The following RNF217 variants were observed in gnomAD, a reference collection of about 807,000 sequenced individuals.
The protein encoded by RNF217 is E3 ubiquitin-protein ligase RNF217.
A neutral mutation model predicts 57.8 loss-of-function variants in RNF217; 31 were observed. The observed-to-expected ratio is 0.54, with a 90% CI of 0.40 to 0.72. The LOEUF (loss-of-function observed/expected upper bound fraction) is 0.72, where lower values mean the gene tolerates loss of function less well. RNF217 is among the 30% of genes least tolerant of loss of function. The probability of loss-of-function intolerance (pLI) is 0.00; values close to 1 mark genes in which losing one functional copy is unlikely to be tolerated. For missense variants in RNF217, 696 were observed against 708.3 expected, an observed-to-expected ratio of 0.98 and a Z score of 0.20; for synonymous variants, 313 against 294.0, an observed-to-expected ratio of 1.06 and a Z score of -0.66.
chr6:125,022,790 CCT>C (rs1785894758), intron 1 of RNF217, among the ~76,000 whole-genome samples: 1 of 152,130 alleles, frequency 6.6e-6, no homozygotes, highest in African/African-American at 2.4e-5. Flanking sequence ...CACTTCCTTC[CCT>C]TTAATTTATG....
At chr6:124,998,938 A>G (rs1339457664) in intron 1 of RNF217, among the ~76,000 whole-genome samples, 1 of 152,362 alleles carries the variant, frequency 6.6e-6, no homozygotes, top group South Asian at 2.1e-4. Context: ...CTGAAAAAGT[A>G]CATGTGGAAT....
At chr6:125,042,349 T>A (rs759532370) in intron 1 of RNF217, among the ~76,000 whole-genome samples, 6 of 152,016 alleles carry the variant, frequency 3.9e-5, no homozygotes, top group Admixed American at 3.9e-4. Context: ...TATCCATTGT[T>A]CCAGAAATAG....
chr6:125,076,602 C>CT, intron 3 of RNF217, 55 bp from the exon 4 acceptor site: 1 of 1,393,600 alleles, frequency 7.2e-7, no homozygotes, highest in South Asian at 1.2e-5. Flanking sequence ...TGCGATTTTG[C>CT]TTTTTAAAAA....
At chr6:124,997,611 C>G (rs1306104005) in intron 1 of RNF217, among the ~76,000 whole-genome samples, 1 of 152,178 alleles carries the variant, frequency 6.6e-6, no homozygotes, top group African/African-American at 2.4e-5. Context: ...AAATCTCTCA[C>G]TCCTGCAAAA....
chr6:125,009,264 G>T (rs1421784910), intron 1 of RNF217: 1 of 1,609,788 alleles, frequency 6.2e-7, no homozygotes, highest in Non-Finnish European at 8.5e-7. Context: ...CCATAAACCA[G>T]TTCAAGAAAG....
chr6:124,991,477 G>C (rs527974339), intron 1 of RNF217, among the ~76,000 whole-genome samples: 4 of 152,072 alleles, frequency 2.6e-5, no homozygotes, highest in African/African-American at 9.7e-5. Flanking sequence ...TTAATCTGCT[G>C]TATTTTTTCA....
intron 1 of RNF217, among the ~76,000 whole-genome samples, chr6:124,984,688 T>C (rs912872151): frequency 1.3e-5 from 2 of 152,138 alleles, no homozygotes; most frequent in African/African-American, 4.8e-5. Flanking sequence ...CCAGATATGT[T>C]AAAGACCTAG....
chr6:125,002,951 A>G (rs925940327), intron 1 of RNF217, among the ~76,000 whole-genome samples: 1 of 152,298 alleles, frequency 6.6e-6, no homozygotes, highest in South Asian at 2.1e-4. Flanking sequence ...CCAGGATGCT[A>G]TGGAGTCAGA....
intron 3 of RNF217, among the ~76,000 whole-genome samples, chr6:125,060,892 C>T (rs1158113663): frequency 1.3e-5 from 2 of 152,256 alleles, no homozygotes; most frequent in Admixed American, 1.3e-4. Context: ...GTCTTTCACC[C>T]TATTTAAATG....
In RNF217 at chr6:124,994,192, T is replaced by A. The variant is rs545079655; in HGVS notation, c.882+30766T>A. 2.0e-5 allele frequency among the ~76,000 whole-genome samples: 3 copies of A among 152,316 alleles called. No individual in the cohort carries two copies. In the South Asian group the frequency reaches 6.2e-4, roughly 32 times the overall value. On this transcript the variant is annotated intron_variant, in intron 1 of 5. Transcript: ENST00000521654. ...TTTGTTTTATAAATGTTTAAACATA[T>A]TTTTAAAATATAGGCAGAATAGTCT...
intron 1 of RNF217, among the ~76,000 whole-genome samples, chr6:125,010,962 T>C (rs1283922612): frequency 6.6e-6 from 1 of 152,162 alleles, no homozygotes; most frequent in Non-Finnish European, 1.5e-5. Context: ...AATTCAGTTA[T>C]AACCTGAGAA....
intron 3 of RNF217, among the ~76,000 whole-genome samples, chr6:125,067,814 G>A (rs1010476096): frequency 6.6e-6 from 1 of 152,056 alleles, no homozygotes; most frequent in Non-Finnish European, 1.5e-5. Context: ...GAAACCATTC[G>A]AATGTGGAAG....
At position 125,085,404 on chromosome 6, in the gene RNF217, T is replaced by G. The variant is rs1788743589; in HGVS notation, c.*2467T>G. On this transcript the variant is annotated 3_prime_UTR_variant, in exon 6 of 6. Coordinates refer to ENST00000521654, the MANE Select transcript of RNF217 (RefSeq NM_001286398.3). ...TTTAAAGGGTCATATCTATTAGGCC[T>G]TTCCCTGCTGGTAACTTAAAATGAT... is the stretch of plus-strand genomic sequence containing the variant. 6.6e-6 allele frequency: 1 copy of G among 151,856 alleles called. No individual in the cohort carries two copies. The highest frequency in any genetic ancestry group is 2.1e-4 in the South Asian group (1 of 4,830). 9.4% of individuals were successfully genotyped at this position (151,856 alleles called of 1,614,324 possible).
intron 1 of RNF217, among the ~76,000 whole-genome samples, chr6:125,024,183 G>T (rs1785971261): frequency 6.6e-6 from 1 of 152,204 alleles, no homozygotes; most frequent in African/African-American, 2.4e-5. Flanking sequence ...ATGATTGTTT[G>T]AAGAATTAAT....
chr6:125,082,940 T>C lies in RNF217; in HGVS notation c.*3T>C. ...CACGGACAGGTATGCACTGGTAACA[T>C]GCAGATGATTTCATCCAGCTAAGCT... On this transcript the variant is annotated 3_prime_UTR_variant, in exon 6 of 6. Coordinates refer to ENST00000521654, the MANE Select transcript of RNF217 (RefSeq NM_001286398.3). 6.3e-7 allele frequency: 1 copy of C among 1,589,940 alleles called. No homozygotes were observed. The highest frequency in any genetic ancestry group is 8.5e-7 in the Non-Finnish European group (1 of 1,172,046).
chr6:125,082,391 G>T lies in RNF217; in HGVS notation c.1556-473G>T. ...GAATTATAAAGTATCTGACATTTAA[G>T]TTCTTGCAATGTGAGTTAGGACATT... On this transcript the variant is annotated intron_variant, in intron 5 of 5. Transcript: ENST00000521654. 1.4e-5 allele frequency: 21 copies of T among 1,470,500 alleles called. No homozygotes were observed. In the South Asian group the frequency reaches 2.8e-4, roughly 19 times the overall value. The allele number at this position is 1,470,500 out of a possible 1,614,324, so 91.1% of individuals were successfully genotyped here. A position where few individuals can be genotyped will look rare whatever the true frequency, so the allele number is the denominator to read the frequency against.
intron 1 of RNF217, among the ~76,000 whole-genome samples, chr6:125,016,355 T>C (rs979305946): frequency 5.9e-5 from 9 of 152,246 alleles, no homozygotes; most frequent in Middle Eastern, 3.4e-3. Context: ...ACATTGTCAA[T>C]AGATTTTTTA....
chr6:125,035,128 T>G (rs1373102497), intron 1 of RNF217, among the ~76,000 whole-genome samples: 1 of 152,208 alleles, frequency 6.6e-6, no homozygotes, highest in East Asian at 1.9e-4. Context: ...AGATATACAA[T>G]GATGTCATCT....
intron 1 of RNF217, among the ~76,000 whole-genome samples, chr6:125,038,704 A>G (rs913602793): frequency 6.6e-6 from 1 of 152,294 alleles, no homozygotes; most frequent in African/African-American, 2.4e-5. Flanking sequence ...TAATTGCTAC[A>G]TTCTCAAGGT....
Sources: gnomAD v4.1 joint callset for allele counts (sites outside exome capture counted in the v4.1 genomes callset) on GRCh38, gnomAD v4.1.1 for gene constraint, MANE v1.5 for transcripts, NCBI Gene and HGNC (gene_info 2026-07-23, HGNC 2026-07-21) for gene names.